Variants in DPYS observed in about 807,000 individuals in gnomAD.
DPYS encodes dihydropyrimidinase, also known as dihydropyrimidine amidohydrolase.
A neutral mutation model predicts 50.3 loss-of-function variants in DPYS; 39 were observed. The ratio of observed to expected loss-of-function variants is 0.78; its 90% confidence interval spans 0.60 to 1.01. The LOEUF is 1.01. DPYS is among the 50% of genes least tolerant of loss of function. The probability of loss-of-function intolerance (pLI) is 0.00; values close to 1 mark genes in which losing one functional copy is unlikely to be tolerated. For missense variants in DPYS, 659 were observed against 680.9 expected, an observed-to-expected ratio of 0.97 and a Z score of 0.36; for synonymous variants, 245 against 250.7, an observed-to-expected ratio of 0.98 and a Z score of 0.22.
At chr8:104,430,373 A>G (rs1042384013) in intron 4 of DPYS, among the ~76,000 whole-genome samples, 1 of 152,108 alleles carries the variant, frequency 6.6e-6, no homozygotes, top group Non-Finnish European at 1.5e-5. Context: ...CAAAAAAAAA[A>G]GCGTACAATG....
In DPYS at chr8:104,431,261, T is replaced by A. The variant is rs1183337008; in HGVS notation, c.794-1560A>T. ...AAAAGTTCTGCAATTTTAACAGCAC[T>A]CAGGAAAAATTAAAAGTGTCAGCAT... On this transcript the variant is annotated intron_variant, in intron 4 of 9. Transcript: ENST00000351513. Among the ~76,000 whole-genome samples, 5 of 152,062 alleles carry A rather than the reference T, an allele frequency of 3.3e-5. No individual in the cohort carries two copies. The East Asian group carries it at 9.6e-4, about 29-fold the overall frequency.
At position 104,394,576 on chromosome 8, in the gene DPYS, C is replaced by T. The variant is rs562538306; in HGVS notation, c.1236-1585G>A. On this transcript the variant is annotated intron_variant, in intron 7 of 9. Transcript: ENST00000351513. ...TCATCTCTCACCTGGACAACCCCAA[C>T]ACTTCTTACTGGCTTCTTTGTTTCA... Among the ~76,000 whole-genome samples, 2 of 152,064 alleles carry T rather than the reference C, an allele frequency of 1.3e-5. 1 individual carries two copies. Among genetic ancestry groups the T allele is most frequent in the African/African-American group, 4.8e-5 (2 of 41,454 alleles).
chr8:104,463,157 G>T (rs1178628465), intron 1 of DPYS, among the ~76,000 whole-genome samples: 2 of 152,066 alleles, frequency 1.3e-5, no homozygotes, highest in African/African-American at 4.8e-5. Context: ...AACTTTAGGG[G>T]CCCATTTCCT....
chr8:104,401,635 T>C (rs1811812402), intron 7 of DPYS, among the ~76,000 whole-genome samples: 1 of 152,196 alleles, frequency 6.6e-6, no homozygotes, highest in Admixed American at 6.5e-5. Flanking sequence ...GTAAAGGATT[T>C]AGGATGCTAT....
chr8:104,409,731 T>C (rs946936001), intron 7 of DPYS, among the ~76,000 whole-genome samples: 1 of 152,196 alleles, frequency 6.6e-6, no homozygotes, highest in Non-Finnish European at 1.5e-5. Context: ...GTTTTTAAAG[T>C]TCTACTATAT....
At chr8:104,419,934 T>C (rs1430284560) in intron 7 of DPYS, 1 of 152,246 alleles carries the variant, frequency 6.6e-6, no homozygotes, top group South Asian at 2.1e-4. Context: ...ACCATACTAA[T>C]GTAAGATAAT....
chr8:104,428,771 G>A (rs1229616778), intron 5 of DPYS, among the ~76,000 whole-genome samples: 3 of 152,304 alleles, frequency 2.0e-5, no homozygotes, highest in Non-Finnish European at 4.4e-5. Context: ...CTTAGCTTGA[G>A]ACTGAGTATC....
At chr8:104,381,569 G>C (rs984156687) in intron 8 of DPYS, among the ~76,000 whole-genome samples, 1 of 152,034 alleles carries the variant, frequency 6.6e-6, no homozygotes, top group African/African-American at 2.4e-5. Flanking sequence ...ATATCCTCAC[G>C]CCCTTCTGAG....
At chr8:104,441,687 C>T (rs1813362745) in intron 4 of DPYS, among the ~76,000 whole-genome samples, 2 of 152,304 alleles carry the variant, frequency 1.3e-5, no homozygotes, top group South Asian at 4.1e-4. Context: ...GACACCTTGA[C>T]TGTGGCCTGG....
At chr8:104,440,338 T>C (rs74981692) in intron 4 of DPYS, among the ~76,000 whole-genome samples, 161 of 152,258 alleles carry the variant, frequency 1.1e-3, no homozygotes, top group African/African-American at 3.8e-3. Context: ...TTCATATGCA[T>C]ATGAATCACC....
rs925173122 is a variant in DPYS at position 104,384,603 on chromosome 8, TGACACA to T, written c.1444-3295_1444-3290del. Among the ~76,000 whole-genome samples, 280 of 152,366 alleles carry T rather than the reference TGACACA, an allele frequency of 1.8e-3. 2 individuals are homozygous for T. Among genetic ancestry groups the T allele is most frequent in the Admixed American group, 0.017 (258 of 15,302 alleles). On this transcript the variant is annotated intron_variant, in intron 8 of 9. Coordinates refer to ENST00000351513, the MANE Select transcript of DPYS (RefSeq NM_001385.3). ...TGTCCGAAGTAGGAACTGCCCAGCC[TGACACA>T]GACCCCAGCATATGGCAGAGCCATT... is the stretch of plus-strand genomic sequence containing the variant.
chr8:104,379,829 C>T lies in DPYS; in HGVS notation c.*29G>A, dbSNP rs1357998918. The T allele has an allele frequency of 1.8e-5, 8 of 456,230 alleles. No individual in the cohort carries two copies. The Admixed American group carries it at 1.9e-4, about 11-fold the overall frequency. 28.3% of individuals were successfully genotyped at this position (456,230 alleles called of 1,614,324 possible). A position where few individuals can be genotyped will look rare whatever the true frequency, so the allele number is the denominator to read the frequency against. On this transcript the variant is annotated 3_prime_UTR_variant, in exon 10 of 10. Coordinates refer to ENST00000351513, the MANE Select transcript of DPYS (RefSeq NM_001385.3). ...GTGAAGGGAATGGCAGCCTCCTTTC[C>T]TCTGATTTTTTTACCTTTGAAGAGA...
intron 2 of DPYS, among the ~76,000 whole-genome samples, chr8:104,450,175 GA>G (rs1402444035): frequency 3.6e-5 from 4 of 110,584 alleles, no homozygotes; most frequent in African/African-American, 1.0e-4. Context: ...GGGAGGGAGG[GA>G]AAAGAAGAAG....
intron 1 of DPYS, among the ~76,000 whole-genome samples, chr8:104,465,829 A>G (rs903611020): frequency 2.0e-5 from 3 of 152,158 alleles, no homozygotes; most frequent in African/African-American, 7.2e-5. Context: ...AGGCCTTTGT[A>G]TCTAGAGAAA....
chr8:104,448,291 G>A (rs1813612445), intron 2 of DPYS, among the ~76,000 whole-genome samples: 1 of 151,980 alleles, frequency 6.6e-6, no homozygotes, highest in African/African-American at 2.4e-5. Context: ...GAGTAGCTGG[G>A]ATTACAGGCG....
intron 2 of DPYS, among the ~76,000 whole-genome samples, chr8:104,448,808 GATA>G (rs1564109968): frequency 6.6e-6 from 1 of 152,168 alleles, no homozygotes. Flanking sequence ...GTTTAAGAAT[GATA>G]ATATTACACG....
intron 2 of DPYS, 102 bp from the exon 3 acceptor site, chr8:104,447,605 T>C (rs1326057939): frequency 1.5e-6 from 2 of 1,313,388 alleles, no homozygotes; most frequent in East Asian, 2.4e-5. Context: ...CTAAGTAAAA[T>C]AAGGAAAATA....
At chr8:104,425,987 G>A (rs1480335067) in intron 6 of DPYS, among the ~76,000 whole-genome samples, 3 of 151,968 alleles carry the variant, frequency 2.0e-5, no homozygotes, top group Non-Finnish European at 4.4e-5. Flanking sequence ...TATATACCAG[G>A]GAACTATATA....
At chr8:104,393,261 T>C (rs549640136) in intron 7 of DPYS, among the ~76,000 whole-genome samples, 23 of 152,372 alleles carry the variant, frequency 1.5e-4, no homozygotes, top group African/African-American at 5.3e-4. Flanking sequence ...TTGTCTTTTA[T>C]GTTCAGATTT....
Sources: gnomAD v4.1 joint callset for allele counts (sites outside exome capture counted in the v4.1 genomes callset) on GRCh38, gnomAD v4.1.1 for gene constraint, MANE v1.5 for transcripts, NCBI Gene and HGNC (gene_info 2026-07-23, HGNC 2026-07-21) for gene names.